Variants in NTMT2 observed in about 807,000 individuals in gnomAD.
NTMT2 encodes the protein X-Pro-Lys N-terminal protein methyltransferase 1B.
NTMT2 carries 21 observed loss-of-function variants against 23.4 expected under a neutral mutation model. The ratio of observed to expected loss-of-function variants is 0.90; its 90% CI spans 0.64 to 1.29. NTMT2 has a LOEUF of 1.29. NTMT2 is among the 50% of genes most tolerant of loss of function. The pLI, the probability that NTMT2 is intolerant of heterozygous loss-of-function variation, is 0.00. For synonymous variants in NTMT2, 131 were observed against 127.7 expected (o/e 1.03, Z -0.17); for missense variants, 336 against 352.0 (o/e 0.95, Z 0.36).
intron 2 of NTMT2, among the ~76,000 whole-genome samples, chr1:170,165,869 G>A (rs959078951): frequency 6.7e-6 from 1 of 149,074 alleles, no homozygotes; most frequent in African/African-American, 2.5e-5. Flanking sequence ...AAATTACCAA[G>A]TGTTTAAACC....
intron 1 of NTMT2, among the ~76,000 whole-genome samples, chr1:170,156,354 G>A (rs1673164397): frequency 6.6e-6 from 1 of 152,080 alleles, no homozygotes; most frequent in South Asian, 2.1e-4. Context: ...TGAATGAACT[G>A]TCTTTTGATG....
chr1:170,149,673 C>A (rs1673030315), intron 1 of NTMT2, among the ~76,000 whole-genome samples: 1 of 152,196 alleles, frequency 6.6e-6, no homozygotes, highest in South Asian at 2.1e-4. Context: ...AGAAAACTAA[C>A]CTCTGCAAGT....
In NTMT2 at chr1:170,166,581, C is replaced by T; in HGVS notation, c.410C>T (p.Pro137Leu). The T allele has an allele frequency of 6.4e-7, 1 of 1,552,302 alleles. No homozygotes were observed. Among genetic ancestry groups the T allele is most frequent in the Non-Finnish European group, 8.7e-7 (1 of 1,147,106 alleles). ...AGGGTCAGCAAACACGTCTTATTGC[C>T]TGTTTTCAACAGTGTGGAGCTGGTG... is the stretch of plus-strand genomic sequence containing the variant. ...IGRVSKHVLL[P>L]VFNSVELVDM... Residue 137 changes from proline to leucine, a missense_variant, in exon 3 of 4, where the codon CCT becomes CTT. Coordinates refer to ENST00000439373, the MANE Select transcript of NTMT2 (RefSeq NM_001136107.2).
chr1:170,154,768 G>T (rs1673133569), intron 1 of NTMT2, among the ~76,000 whole-genome samples: 1 of 151,798 alleles, frequency 6.6e-6, no homozygotes, highest in Non-Finnish European at 1.5e-5. Context: ...GACTTTGGGG[G>T]ACTATTGAGA....
chr1:170,166,862 GT>G, intron 3 of NTMT2, 111 bp downstream of exon 3: 1 of 1,164,140 alleles, frequency 8.6e-7, no homozygotes, highest in Non-Finnish European at 1.2e-6. Context: ...ACTTCAAGCA[GT>G]TAGCTAGCCT....
chr1:170,148,344 G>T (rs1306833799), intron 1 of NTMT2, among the ~76,000 whole-genome samples: 3 of 151,354 alleles, frequency 2.0e-5, no homozygotes, highest in African/African-American at 7.3e-5. Context: ...GTAGAGACGG[G>T]GTTTCACCGT....
rs370207822 is a variant in NTMT2, at chr1:170,151,632, G to A, written c.154+5371G>A. ...TACCTGTGCAATACAAATGCTGCAA[G>A]ACCATTTTTCTCTTTCAAGCAATGA... On this transcript the variant is annotated intron_variant, in intron 1 of 3. Transcript: ENST00000439373. Among the ~76,000 whole-genome samples, 22 of 152,032 alleles carry A rather than the reference G, an allele frequency of 1.4e-4. No homozygotes were observed. The South Asian group carries it at 4.6e-3, about 32-fold the overall frequency.
intron 2 of NTMT2, among the ~76,000 whole-genome samples, chr1:170,164,014 C>T (rs937325460): frequency 7.3e-5 from 11 of 150,606 alleles, no homozygotes; most frequent in South Asian, 4.2e-4. Context: ...CTGAGCTACT[C>T]GGGATGCTGA....
chr1:170,151,608 A>G (rs554031854), intron 1 of NTMT2: 1 of 152,754 alleles, frequency 6.5e-6, no homozygotes, highest in South Asian at 2.1e-4. Flanking sequence ...GTTTATCATT[A>G]CCTGTGCAAT....
chr1:170,165,066 A>ATT (rs59316234), intron 2 of NTMT2, among the ~76,000 whole-genome samples: 4 of 149,782 alleles, frequency 2.7e-5, no homozygotes, highest in Middle Eastern at 3.4e-3. Flanking sequence ...TCCTTAGCCA[A>ATT]TTTTTTTTTT....
At chr1:170,165,453 C>G (rs1418656435) in intron 2 of NTMT2, among the ~76,000 whole-genome samples, 1 of 152,106 alleles carries the variant, frequency 6.6e-6, no homozygotes, top group African/African-American at 2.4e-5. Context: ...CACAAGGAAA[C>G]TTTGCCAAAA....
intron 1 of NTMT2, among the ~76,000 whole-genome samples, chr1:170,153,425 A>G (rs975489032): frequency 2.0e-5 from 3 of 152,218 alleles, no homozygotes; most frequent in Admixed American, 6.5e-5. Context: ...AACTTCTAAG[A>G]GCTGTTAAAT....
chr1:170,157,324 A>G (rs796747683), intron 1 of NTMT2, among the ~76,000 whole-genome samples: 17 of 152,270 alleles, frequency 1.1e-4, no homozygotes, highest in African/African-American at 3.1e-4. Flanking sequence ...TAAACTTTTA[A>G]AAGATTTATA....
At chr1:170,157,108 G>T (rs1056168342) in intron 1 of NTMT2, among the ~76,000 whole-genome samples, 1 of 151,996 alleles carries the variant, frequency 6.6e-6, no homozygotes, top group Non-Finnish European at 1.5e-5. Flanking sequence ...GGTGATGGCT[G>T]GTTTCTGTCA....
chr1:170,158,312 T>C (rs765332081), intron 1 of NTMT2, among the ~76,000 whole-genome samples: 3 of 152,068 alleles, frequency 2.0e-5, no homozygotes, highest in Non-Finnish European at 4.4e-5. Flanking sequence ...TTTAACATAA[T>C]TGACAAATAA....
At chr1:170,166,442 G>C (rs1174685508) in intron 2 of NTMT2, 60 bp from the exon 3 acceptor site, 2 of 1,542,198 alleles carry the variant, frequency 1.3e-6, no homozygotes, top group Non-Finnish European at 1.8e-6. Context: ...CGCCCGGCCT[G>C]GGTGTGCAAT....
At chr1:170,150,949 C>T (rs891759716) in intron 1 of NTMT2, among the ~76,000 whole-genome samples, 4 of 152,140 alleles carry the variant, frequency 2.6e-5, no homozygotes, top group African/African-American at 9.7e-5. Context: ...TAACTTAACA[C>T]TCAATGATTC....
chr1:170,166,451 A>G (rs1673388020), intron 2 of NTMT2, 51 bp from the exon 3 acceptor site: 2 of 1,546,826 alleles, frequency 1.3e-6, no homozygotes, highest in Non-Finnish European at 1.7e-6. Flanking sequence ...TGGGTGTGCA[A>G]TTTTCAAGGA....
At chr1:170,162,595 G>C (rs1673294815) in intron 2 of NTMT2, among the ~76,000 whole-genome samples, 1 of 152,234 alleles carries the variant, frequency 6.6e-6, no homozygotes, top group Non-Finnish European at 1.5e-5. Context: ...GGTTCTGAGA[G>C]AGTCAATCTG....
Sources: gnomAD v4.1 joint callset for allele counts (sites outside exome capture counted in the v4.1 genomes callset) on GRCh38, gnomAD v4.1.1 for gene constraint, MANE v1.5 for transcripts, NCBI Gene and HGNC (gene_info 2026-07-23, HGNC 2026-07-21) for gene names.